The following KAZN variants were observed in gnomAD, a reference collection of about 807,000 sequenced individuals.
The protein encoded by KAZN is kazrin, periplakin interacting protein.
Under a neutral mutation model 87.4 loss-of-function variants are expected in KAZN, and 40 were observed. The ratio of observed to expected loss-of-function variants is 0.46; its 90% CI spans 0.36 to 0.60. The LOEUF (loss-of-function observed/expected upper bound fraction) is 0.60, where lower values mean the gene tolerates loss of function less well. Ranked by LOEUF, KAZN falls within the 20% of genes least tolerant of loss-of-function variation. The pLI is 0.00. For synonymous variants in KAZN, 466 were observed against 458.3 expected (o/e 1.02, Z -0.22); for missense variants, 898 against 1,073.9 (o/e 0.84, Z 2.29).
At chr1:14,019,313 A>G (rs918343335) in intron 1 of KAZN, among the ~76,000 whole-genome samples, 2 of 152,180 alleles carry the variant, frequency 1.3e-5, no homozygotes, top group African/African-American at 4.8e-5. Flanking sequence ...CCCATGAGAA[A>G]GCTATATATC....
At chr1:14,043,238 G>T (rs982339903) in intron 1 of KAZN, among the ~76,000 whole-genome samples, 66 of 152,248 alleles carry the variant, frequency 4.3e-4, no homozygotes, top group African/African-American at 1.5e-3. Context: ...CGTAGCGTGT[G>T]TCAGAATTTC....
chr1:14,928,217 G>A (rs1226156807), intron 1 of KAZN, among the ~76,000 whole-genome samples: 1 of 152,060 alleles, frequency 6.6e-6, no homozygotes, highest in Non-Finnish European at 1.5e-5. Context: ...TTGGGAGGCC[G>A]AGGCGGGCGG....
chr1:14,978,330 G>C (rs1034690240), intron 2 of KAZN, among the ~76,000 whole-genome samples: 1 of 152,206 alleles, frequency 6.6e-6, no homozygotes, highest in Non-Finnish European at 1.5e-5. Flanking sequence ...ACTGGGACCA[G>C]ATGAAGAGCA....
intron 1 of KAZN, among the ~76,000 whole-genome samples, chr1:14,791,306 G>A (rs1645666778): frequency 6.6e-6 from 1 of 152,172 alleles, no homozygotes; most frequent in Admixed American, 6.5e-5. Context: ...TGGCTTTGGA[G>A]GAGGGCTGAG....
chr1:14,745,939 T>C (rs1373590189), intron 1 of KAZN, among the ~76,000 whole-genome samples: 4 of 152,160 alleles, frequency 2.6e-5, no homozygotes, highest in African/African-American at 9.7e-5. Flanking sequence ...GCACTTGGCA[T>C]CCCCGGGGTA....
intron 2 of KAZN, among the ~76,000 whole-genome samples, chr1:14,499,801 T>A (rs2148425068): frequency 6.6e-6 from 1 of 152,222 alleles, no homozygotes; most frequent in East Asian, 1.9e-4. Flanking sequence ...GTACTCCAGG[T>A]CTTGTCCTTG....
At chr1:14,787,949 T>C (rs960125857) in intron 1 of KAZN, among the ~76,000 whole-genome samples, 5 of 152,174 alleles carry the variant, frequency 3.3e-5, no homozygotes, top group Non-Finnish European at 5.9e-5. Flanking sequence ...ACCATGTCAG[T>C]GGCCCCAGAA....
intron 2 of KAZN, among the ~76,000 whole-genome samples, chr1:14,277,077 T>A (rs796772310): frequency 8.5e-5 from 13 of 152,346 alleles, no homozygotes; most frequent in African/African-American, 3.1e-4. Flanking sequence ...TTTTTCTTTC[T>A]ATTTTTTACA....
rs1404509524 is a variant in KAZN, at chr1:15,077,266, A to G, written c.1222+11513A>G. ...CAGTCTAGATTCTCTCTCTGTGGAC[A>G]CCTCGTGCTCTGACAGTCCCTGGTC... On this transcript the variant is annotated intron_variant, in intron 8 of 14. Coordinates refer to ENST00000376030, the MANE Select transcript of KAZN (RefSeq NM_201628.3). The surrounding 1 kb of genome is among the most constrained non-coding windows in gnomAD (Gnocchi z 4.8). Among the ~76,000 whole-genome samples, 1 of 151,980 alleles carries G rather than the reference A, an allele frequency of 6.6e-6. No individual in the cohort carries two copies. Among genetic ancestry groups the G allele is most frequent in the Non-Finnish European group, 1.5e-5 (1 of 67,980 alleles).
chr1:14,970,641 A>G (rs1382972209), intron 2 of KAZN, among the ~76,000 whole-genome samples: 1 of 152,174 alleles, frequency 6.6e-6, no homozygotes, highest in Non-Finnish European at 1.5e-5. Flanking sequence ...TGTCCCCCAC[A>G]CAGCCTCCCT....
chr1:14,613,922 C>T (rs1358318276), intron 1 of KAZN, among the ~76,000 whole-genome samples: 3 of 152,210 alleles, frequency 2.0e-5, no homozygotes, highest in African/African-American at 7.2e-5. Flanking sequence ...CTCTGCCTCC[C>T]TGTGACACAA....
At position 15,096,286 on chromosome 1, in the gene KAZN, G is replaced by T. The variant is rs1219087584; in HGVS notation, c.1547+1353G>T. Among the ~76,000 whole-genome samples, 1 of 152,236 alleles carries T rather than the reference G, an allele frequency of 6.6e-6. No individual in the cohort carries two copies. The highest frequency in any genetic ancestry group is 1.9e-4 in the East Asian group (1 of 5,202). On this transcript the variant is annotated intron_variant, in intron 10 of 14. Transcript: ENST00000376030. The surrounding 1 kb of genome is among the most constrained non-coding windows in gnomAD (Gnocchi z 4.5). ...TTCAGGAGTCTGGGCTACTGCCTGG[G>T]TTCCCCCTAAATGGGGATAAGCTTT...
At position 14,692,963 on chromosome 1, in the gene KAZN, C is replaced by T. The variant is rs77770173; in HGVS notation, c.226+93740C>T. Among the ~76,000 whole-genome samples the T allele has an allele frequency of 8.5e-5, 13 of 152,112 alleles. No homozygotes were observed. In the East Asian group the frequency reaches 2.5e-3, roughly 29 times the overall value. On this transcript the variant is annotated intron_variant, in intron 1 of 14. Coordinates refer to ENST00000376030, the MANE Select transcript of KAZN (RefSeq NM_201628.3). Reference sequence around the variant, plus strand: ...AGAAATCGAAGGACAGGCAGAGACACCAGTTTCTTATTCAGGTCCTCATAG... The same window carrying T: ...AGAAATCGAAGGACAGGCAGAGACATCAGTTTCTTATTCAGGTCCTCATAG...
intron 2 of KAZN, among the ~76,000 whole-genome samples, chr1:14,576,905 C>A (rs935014706): frequency 6.6e-6 from 1 of 152,218 alleles, no homozygotes; most frequent in Non-Finnish European, 1.5e-5. Context: ...TGGTTCCTGC[C>A]TATATCCTAC....
At chr1:14,924,761 C>T (rs1016145994) in intron 1 of KAZN, among the ~76,000 whole-genome samples, 104 of 152,168 alleles carry the variant, frequency 6.8e-4, no homozygotes, top group African/African-American at 2.5e-3. Context: ...GTGAGTTCCT[C>T]GGCGTGGGGA....
At chr1:14,451,962 T>C (rs537154419) in intron 2 of KAZN, among the ~76,000 whole-genome samples, 15 of 152,260 alleles carry the variant, frequency 9.9e-5, no homozygotes, top group Non-Finnish European at 1.8e-4. Context: ...TGTTTTAAGA[T>C]GGAGTCTCGC....
intron 2 of KAZN, among the ~76,000 whole-genome samples, chr1:14,525,195 G>A (rs763596141): frequency 9.8e-5 from 15 of 152,374 alleles, no homozygotes; most frequent in Admixed American, 2.0e-4. Flanking sequence ...GAGTGTAAAT[G>A]TACATATTGT....
At chr1:14,256,034 CTAAG>C (rs1650485891) in intron 2 of KAZN, among the ~76,000 whole-genome samples, 2 of 152,200 alleles carry the variant, frequency 1.3e-5, no homozygotes, top group Non-Finnish European at 2.9e-5. Context: ...TCTCTCCCTC[CTAAG>C]TGTCTGCTTT....
rs1662167784 is a variant in KAZN, at chr1:14,949,126, C to T, written c.227-11558C>T. Among the ~76,000 whole-genome samples, 1 of 150,158 alleles carries T rather than the reference C, an allele frequency of 6.7e-6. No individual in the cohort carries two copies. Among genetic ancestry groups the T allele is most frequent in the African/African-American group, 2.5e-5 (1 of 40,484 alleles). ...CAAGATCATGCCACTGCACTCCAGC[C>T]TGGGCAACAGAGTGAGACTCCGACT... On this transcript the variant is annotated intron_variant, in intron 1 of 14. Coordinates refer to ENST00000376030, the MANE Select transcript of KAZN (RefSeq NM_201628.3). The surrounding 1 kb of genome is among the most constrained non-coding windows in gnomAD (Gnocchi z 4.3).
Sources: allele counts gnomAD v4.1 joint callset (sites outside exome capture counted in the v4.1 genomes callset), GRCh38; gene constraint gnomAD v4.1.1; non-coding constraint Gnocchi (gnomAD v3.1); transcripts MANE v1.5; gene names NCBI Gene and HGNC (gene_info 2026-07-23, HGNC 2026-07-21).